CES5A: variants seen among roughly 807,000 people sequenced by gnomAD.
CES5A encodes carboxylesterase 5.
A neutral mutation model predicts 62.9 loss-of-function variants in CES5A; 67 were observed. That is an observed-to-expected ratio of 1.07 (90% CI 0.88 to 1.31). The LOEUF (loss-of-function observed/expected upper bound fraction) is 1.31, where lower values mean the gene tolerates loss of function less well. Among genes scored for constraint, CES5A ranks in the 50% most tolerant of loss-of-function variants. The pLI is 0.00. For synonymous variants in CES5A, 296 were observed against 280.8 expected (o/e 1.05, Z -0.54); for missense variants, 748 against 708.5 (o/e 1.06, Z -0.63).
At chr16:55,885,328 T>C (rs1004382782) in intron 1 of CES5A, among the ~76,000 whole-genome samples, 1 of 152,094 alleles carries the variant, frequency 6.6e-6, no homozygotes, top group Admixed American at 6.6e-5. Flanking sequence ...CAGACCCCCA[T>C]CTTACCACCT....
intron 10 of CES5A, among the ~76,000 whole-genome samples, chr16:55,851,639 T>C (rs1371892587): frequency 6.6e-6 from 1 of 152,214 alleles, no homozygotes; most frequent in Non-Finnish European, 1.5e-5. Context: ...CCAGAAATTC[T>C]ACCTCTGGCA....
chr16:55,869,999 C>T (rs1386429238), intron 3 of CES5A, among the ~76,000 whole-genome samples: 1 of 152,208 alleles, frequency 6.6e-6, no homozygotes, highest in Non-Finnish European at 1.5e-5. Flanking sequence ...GCTCATTTTT[C>T]TCATCTGTAA....
At chr16:55,888,925 T>C (rs571123223) in intron 1 of CES5A, among the ~76,000 whole-genome samples, 15 of 152,294 alleles carry the variant, frequency 9.8e-5, no homozygotes, top group Admixed American at 2.0e-4. Flanking sequence ...TTGGGTTCAC[T>C]TTGCACCCTC....
At chr16:55,905,957 C>T (rs1458976753) in intron 1 of CES5A, among the ~76,000 whole-genome samples, 2 of 152,124 alleles carry the variant, frequency 1.3e-5, no homozygotes, top group South Asian at 2.1e-4. Flanking sequence ...CACAACAACA[C>T]TCCCAGGAAG....
In CES5A at chr16:55,864,468, T is replaced by A. The variant is rs1444610454; in HGVS notation, c.706-1016A>T. Among the ~76,000 whole-genome samples, 10 of 152,242 alleles carry A rather than the reference T, an allele frequency of 6.6e-5. No individual in the cohort carries two copies. The South Asian group carries it at 2.1e-3, about 32-fold the overall frequency. On this transcript the variant is annotated intron_variant, in intron 5 of 12. Transcript: ENST00000290567. ...AATCAGGTGTGTTTGCTTCCAAACC[T>A]GTTTTGTCAATTTCACTTGTTATTG...
At chr16:55,928,044 C>T (rs1431847283), upstream of CES5A, among the ~76,000 whole-genome samples, 1 of 152,076 alleles carries the variant, frequency 6.6e-6, no homozygotes, top group East Asian at 1.9e-4. Context: ...GAGATCGAGA[C>T]CATCCTGGCT....
chr16:55,861,528 A>G lies in CES5A; in HGVS notation c.811-12T>C. 1.3e-6 allele frequency: 2 copies of G among 1,580,112 alleles called. No individual in the cohort carries two copies. The highest frequency in any genetic ancestry group is 1.7e-6 in the Non-Finnish European group (2 of 1,149,006). On this transcript the variant is annotated splice_polypyrimidine_tract_variant and intron_variant, in intron 6 of 12. Coordinates refer to ENST00000290567, the MANE Select transcript of CES5A (RefSeq NM_001143685.2). ...GCAACCACCTGCAGCTATTTTGTAG[A>G]GAAGGACCGGGTTAGAGCATGATAT...
chr16:55,859,159 C>G (rs2033303026), intron 8 of CES5A, among the ~76,000 whole-genome samples: 1 of 152,216 alleles, frequency 6.6e-6, no homozygotes, highest in African/African-American at 2.4e-5. Flanking sequence ...ATGCCAGAAC[C>G]AAGGCTGGAT....
In CES5A at chr16:55,868,313, A is replaced by G. The variant is rs143851476; in HGVS notation, c.551+1298T>C. Among the ~76,000 whole-genome samples the G allele has an allele frequency of 9.5e-4, 145 of 152,370 alleles. 2 individuals are homozygous for G. The East Asian group carries it at 0.024, about 25-fold the overall frequency. On this transcript the variant is annotated intron_variant, in intron 4 of 12. Coordinates refer to ENST00000290567, the MANE Select transcript of CES5A (RefSeq NM_001143685.2). ...GCCTGCAAAGCACTCCCAGAGCTAC[A>G]TTCCAGGGCTACAGGCCCAGTGCAG...
rs1486807893 is a variant in CES5A, at chr16:55,871,683, T to C, written c.359A>G (p.Asp120Gly). The C allele has an allele frequency of 6.2e-7, 1 of 1,614,112 alleles. No individual in the cohort carries two copies. The highest frequency in any genetic ancestry group is 2.2e-5 in the East Asian group (1 of 44,868). ...CGCATAGATGTTCAGGTAGAGGCAG[T>C]CTTCTGACACTCCGAATTTCGGGTA... ...VHYPKFGVSE[D>G]CLYLNIYAPA... Residue 120 changes from aspartate to glycine, a missense_variant, in exon 3 of 13, where the codon GAC (aspartate) becomes GGC (glycine). Coordinates refer to ENST00000290567, the MANE Select transcript of CES5A (RefSeq NM_001143685.2).
intron 2 of CES5A, among the ~76,000 whole-genome samples, chr16:55,947,238 C>G (rs1296675168): frequency 6.6e-6 from 1 of 152,162 alleles, no homozygotes; most frequent in East Asian, 1.9e-4. Context: ...AGCAAAAGAT[C>G]AGATGGAGAA....
intron 1 of CES5A, among the ~76,000 whole-genome samples, chr16:55,901,915 G>A (rs944443865): frequency 2.6e-5 from 4 of 152,138 alleles, no homozygotes; most frequent in East Asian, 1.9e-4. Flanking sequence ...CTGTTAGCAC[G>A]TGGTTTAGCA....
intron 4 of CES5A, among the ~76,000 whole-genome samples, chr16:55,866,687 A>AAAAAAAAAAAAAAAG (rs2033471578): frequency 6.7e-6 from 1 of 149,102 alleles, no homozygotes; most frequent in Non-Finnish European, 1.5e-5. Flanking sequence ...AATACAAAAA[A>AAAAAAAAAAAAAAAG]ATTAGCTGGA....
chr16:55,954,650 C>T (rs1019797120), intron 1 of CES5A, among the ~76,000 whole-genome samples: 15 of 152,164 alleles, frequency 9.9e-5, no homozygotes, highest in Non-Finnish European at 1.6e-4. Flanking sequence ...CAGCTTGGTG[C>T]GGGAGAGAGG....
At chr16:55,876,990 T>A (rs959889031), upstream of CES5A, among the ~76,000 whole-genome samples, 10 of 152,060 alleles carry the variant, frequency 6.6e-5, no homozygotes, top group African/African-American at 2.4e-4. Flanking sequence ...ACTGAGTCAG[T>A]CAGGGGGAAT....
rs138599318 is a variant in CES5A at position 55,869,762 on chromosome 16, G to A, written c.418-18C>T. ...ACCAAGACCTGAGGAGGGGAGAAGA[G>A]CATCCAGTCAGCCCACCAGGCACCA... On this transcript the variant is annotated intron_variant, in intron 3 of 12. Transcript: ENST00000290567. 2.9e-3 allele frequency: 4,608 copies of A among 1,590,422 alleles called. 123 individuals are homozygous for A. In the South Asian group the frequency reaches 0.033, roughly 11 times the overall value.
intron 2 of CES5A, among the ~76,000 whole-genome samples, chr16:55,947,056 T>TA (rs1753153021): frequency 6.6e-6 from 1 of 152,170 alleles, no homozygotes; most frequent in Non-Finnish European, 1.5e-5. Context: ...ATGGGAAGGT[T>TA]AAAATGGAAA....
intron 3 of CES5A, 132 bp from the exon 4 acceptor site, chr16:55,869,876 T>C (rs2033547644): frequency 7.8e-7 from 1 of 1,285,614 alleles, no homozygotes; most frequent in African/African-American, 1.5e-5. Context: ...GTTTTGTCAT[T>C]TGAAGAAGGC....
At position 55,869,668 on chromosome 16, in the gene CES5A, T is replaced by A. The variant is rs140373908; in HGVS notation, c.494A>T (p.Tyr165Phe). The A allele has an allele frequency of 9.8e-5, 158 of 1,613,418 alleles. No homozygotes were observed. Among genetic ancestry groups the A allele is most frequent in the Admixed American group, 5.0e-4 (30 of 59,950 alleles). The change falls in exon 4 of 13, where the codon TAT becomes TTT. Residue 165 changes from tyrosine to phenylalanine, a missense_variant. Coordinates refer to ENST00000290567, the MANE Select transcript of CES5A (RefSeq NM_001143685.2). ...GACGACCACAACCAGCACGTCCTCA[T>A]AGGCAGCCAGGGCGGACCCATCAAA... ...SIFDGSALAA[Y>F]EDVLVVVVQY...
Sources: allele counts gnomAD v4.1 joint callset (sites outside exome capture counted in the v4.1 genomes callset), GRCh38; gene constraint gnomAD v4.1.1; transcripts MANE v1.5; gene names NCBI Gene and HGNC (gene_info 2026-07-23, HGNC 2026-07-21).